The following XKR6 variants were observed in gnomAD, a reference collection of about 807,000 sequenced individuals.
XKR6 encodes XK related 6, also known as XK-related protein 6.
In XKR6, 22 loss-of-function variants were observed where a neutral mutation model predicts 56.7. The observed-to-expected ratio is 0.39, with a 90% CI of 0.28 to 0.55. The LOEUF is 0.55. XKR6 is among the 20% of genes least tolerant of loss of function. XKR6 has a pLI of 0.66. For missense variants in XKR6, 852 were observed against 889.0 expected, an observed-to-expected ratio of 0.96 and a Z score of 0.53; for synonymous variants, 524 against 387.8, an observed-to-expected ratio of 1.35 and a Z score of -4.13.
At chr8:11,065,100 G>C (rs1381936304) in intron 1 of XKR6, among the ~76,000 whole-genome samples, 1 of 152,176 alleles carries the variant, frequency 6.6e-6, no homozygotes, top group Non-Finnish European at 1.5e-5. Context: ...TGCTAAATGG[G>C]ATATGTGTGT....
intron 1 of XKR6, among the ~76,000 whole-genome samples, chr8:11,158,885 G>A (rs1801656164): frequency 6.6e-6 from 1 of 152,182 alleles, no homozygotes; most frequent in Admixed American, 6.5e-5. Context: ...CCACCATACT[G>A]CATACAAGCC....
At chr8:10,902,928 A>G (rs771329834) in intron 2 of XKR6, among the ~76,000 whole-genome samples, 17 of 152,326 alleles carry the variant, frequency 1.1e-4, no homozygotes, top group Non-Finnish European at 2.4e-4. Flanking sequence ...TCCCCATTCT[A>G]TCCAAGGCTC....
chr8:11,196,231 T>C (rs986492718), intron 1 of XKR6, among the ~76,000 whole-genome samples: 8 of 152,352 alleles, frequency 5.3e-5, no homozygotes, highest in African/African-American at 1.7e-4. Context: ...ATCCCAGTTA[T>C]GTTTCCTCAA....
chr8:10,905,472 G>T (rs559084097), intron 2 of XKR6, among the ~76,000 whole-genome samples: 2 of 152,292 alleles, frequency 1.3e-5, no homozygotes, highest in South Asian at 2.1e-4. Context: ...TGAGGAGACC[G>T]AAACAGCAGT....
chr8:11,062,188 G>C (rs7841353), intron 1 of XKR6, among the ~76,000 whole-genome samples: 11,588 of 152,132 alleles, frequency 0.076, 1,507 homozygotes, highest in African/African-American at 0.26. Flanking sequence ...TCCTGCCCTG[G>C]GCTAGTCCGT....
intron 1 of XKR6, among the ~76,000 whole-genome samples, chr8:11,016,823 A>G (rs1433526019): frequency 2.0e-5 from 3 of 152,154 alleles, no homozygotes; most frequent in Non-Finnish European, 4.4e-5. Flanking sequence ...GCCGAGCCCA[A>G]AAGGCCTCTC....
intron 1 of XKR6, chr8:11,067,169 CG>C (rs1322175116): frequency 1.3e-5 from 2 of 152,362 alleles, no homozygotes; most frequent in African/African-American, 4.8e-5. Flanking sequence ...ATGTCTGACG[CG>C]GGCATCTGAG....
intron 1 of XKR6, among the ~76,000 whole-genome samples, chr8:11,044,897 C>T (rs1010192320): frequency 4.0e-5 from 6 of 151,644 alleles, no homozygotes; most frequent in Non-Finnish European, 7.4e-5. Flanking sequence ...GGATTACAGG[C>T]GTGAGCCACT....
intron 1 of XKR6, among the ~76,000 whole-genome samples, chr8:10,970,805 TAA>T (rs34166964): frequency 4.2e-4 from 56 of 133,132 alleles, no homozygotes; most frequent in South Asian, 1.3e-3. Context: ...AAAGGATCCT[TAA>T]AAAAAAAAAA....
At chr8:11,130,016 G>C (rs1800023983) in intron 1 of XKR6, among the ~76,000 whole-genome samples, 1 of 152,112 alleles carries the variant, frequency 6.6e-6, no homozygotes, top group African/African-American at 2.4e-5. Flanking sequence ...TTACAGAGAA[G>C]ATCTGACAAT....
intron 1 of XKR6, among the ~76,000 whole-genome samples, chr8:11,054,670 C>T (rs188270233): frequency 1.6e-4 from 25 of 152,340 alleles, no homozygotes; most frequent in Admixed American, 5.2e-4. Context: ...TTCCTGCCCC[C>T]ATTGAGGGAA....
At chr8:11,064,436 C>A (rs1163431130) in intron 1 of XKR6, among the ~76,000 whole-genome samples, 1 of 112,746 alleles carries the variant, frequency 8.9e-6, no homozygotes, top group Non-Finnish European at 1.8e-5. Flanking sequence ...CGTTATCGTG[C>A]CAAGAGGGAA....
At chr8:11,180,044 T>G (rs11775740) in intron 1 of XKR6, among the ~76,000 whole-genome samples, 552 of 151,634 alleles carry the variant, frequency 3.6e-3, no homozygotes, top group Non-Finnish European at 6.7e-3. Flanking sequence ...GAGGCTGAGG[T>G]GGGAGAACTG....
intron 1 of XKR6, among the ~76,000 whole-genome samples, chr8:11,187,161 G>A (rs904947617): frequency 6.6e-6 from 1 of 152,144 alleles, no homozygotes. Context: ...CCTGCTTCAT[G>A]TGTGTTGTTC....
At chr8:11,070,645 T>C (rs1800091333) in intron 1 of XKR6, among the ~76,000 whole-genome samples, 2 of 152,174 alleles carry the variant, frequency 1.3e-5, no homozygotes, top group South Asian at 4.1e-4. Flanking sequence ...GGGATAAAAA[T>C]GTGAATGTAA....
At chr8:11,033,355 A>C (rs1799046203) in intron 1 of XKR6, among the ~76,000 whole-genome samples, 2 of 150,866 alleles carry the variant, frequency 1.3e-5, no homozygotes, top group South Asian at 4.2e-4. Flanking sequence ...GATGATGATG[A>C]TGACGATAGT....
chr8:10,966,204 A>C (rs1446155159), intron 1 of XKR6, among the ~76,000 whole-genome samples: 6 of 152,150 alleles, frequency 3.9e-5, no homozygotes, highest in African/African-American at 1.4e-4. Flanking sequence ...AGAGTTTCTC[A>C]TTCAGTATGT....
At chr8:10,948,654 C>T (rs561344940) in intron 1 of XKR6, among the ~76,000 whole-genome samples, 2 of 152,240 alleles carry the variant, frequency 1.3e-5, no homozygotes, top group South Asian at 2.1e-4. Context: ...CCTCCCACCC[C>T]GCAGGACCCG....
chr8:11,184,156 G>A (rs534169873), intron 1 of XKR6, among the ~76,000 whole-genome samples: 3 of 152,124 alleles, frequency 2.0e-5, no homozygotes, highest in Non-Finnish European at 4.4e-5. Context: ...TCAGAGTATA[G>A]TTTTATTCTA....
Sources: allele counts gnomAD v4.1 joint callset (sites outside exome capture counted in the v4.1 genomes callset), GRCh38; gene constraint gnomAD v4.1.1; transcripts MANE v1.5; gene names NCBI Gene and HGNC (gene_info 2026-07-23, HGNC 2026-07-21).